Variants in GUCY2F observed in about 807,000 individuals in gnomAD.
GUCY2F encodes the protein retinal guanylyl cyclase 2.
GUCY2F carries 61 observed loss-of-function variants against 73.1 expected under a neutral mutation model. The ratio of observed to expected loss-of-function variants is 0.83; its 90% CI spans 0.68 to 1.03. The LOEUF is 1.03. Among genes scored for constraint, GUCY2F ranks in the 50% least tolerant of loss-of-function variants. The probability of loss-of-function intolerance (pLI) is 0.00; values close to 1 mark genes in which losing one functional copy is unlikely to be tolerated. For missense variants in GUCY2F, 912 were observed against 854.3 expected (o/e 1.07, Z -0.84); for synonymous variants, 331 against 307.8 (o/e 1.08, Z -0.79).
At chrX:109,459,384 G>A (rs1932319483) in intron 3 of GUCY2F, among the ~76,000 whole-genome samples, 1 of 111,217 alleles carries the variant, frequency 9.0e-6, no homozygotes, top group Non-Finnish European at 1.9e-5. Flanking sequence ...TAGAAGTGAA[G>A]GTGAGGCCAA....
Position 109,401,221 on chromosome X carries a change from A to G in GUCY2F, c.2126-2523T>C, listed in dbSNP as rs755309426. On this transcript the variant is annotated intron_variant, in intron 10 of 19. Coordinates refer to ENST00000218006, the MANE Select transcript of GUCY2F (RefSeq NM_001522.3). ...AGCCACTAACTACCATTAGAGTTGA[A>G]CTCTCGGGAAAACTAGAGAAATTAC... Among the ~76,000 whole-genome samples, 3 of 111,853 alleles carry G rather than the reference A, an allele frequency of 2.7e-5. No homozygotes were observed. The East Asian group carries it at 8.4e-4, about 31-fold the overall frequency.
At chrX:109,454,809 G>A (rs1007958029) in intron 3 of GUCY2F, among the ~76,000 whole-genome samples, 4 of 110,701 alleles carry the variant, frequency 3.6e-5, no homozygotes, top group Non-Finnish European at 5.7e-5. Context: ...ATGGCTTCAT[G>A]GTTTTCCATG....
At chrX:109,437,580 G>C (rs1344431416) in intron 7 of GUCY2F, among the ~76,000 whole-genome samples, 1 of 112,715 alleles carries the variant, frequency 8.9e-6, no homozygotes, top group Non-Finnish European at 1.9e-5. Context: ...TTAGAGATCT[G>C]TTAGACCAGC....
At chrX:109,416,795 G>C (rs1051800470) in intron 8 of GUCY2F, among the ~76,000 whole-genome samples, 1 of 110,092 alleles carries the variant, frequency 9.1e-6, no homozygotes, top group African/African-American at 3.3e-5. Context: ...TAAATACAAA[G>C]AAAGCAATAC....
intron 12 of GUCY2F, among the ~76,000 whole-genome samples, chrX:109,394,200 T>C (rs1460281632): frequency 8.9e-6 from 1 of 112,158 alleles, no homozygotes; most frequent in East Asian, 2.8e-4. Context: ...GCTATAGCAA[T>C]GTCTTGTTTG....
chrX:109,454,784 C>T lies in GUCY2F; in HGVS notation c.1033-925G>A, dbSNP rs1023387300. Among the ~76,000 whole-genome samples the T allele has an allele frequency of 5.4e-5, 6 of 110,853 alleles. No homozygotes were observed. In the Admixed American group the frequency reaches 5.8e-4, roughly 11 times the overall value. On this transcript the variant is annotated intron_variant, in intron 3 of 19. Transcript: ENST00000218006. ...CTCTGTACCTCCCCCGACATGGCCCCTCACACACGCGGCCATGGCTTCATG... is the reference window on the plus strand; with the variant it reads ...CTCTGTACCTCCCCCGACATGGCCCTTCACACACGCGGCCATGGCTTCATG...
At chrX:109,428,921 A>G (rs1931547401) in intron 8 of GUCY2F, among the ~76,000 whole-genome samples, 1 of 112,489 alleles carries the variant, frequency 8.9e-6, no homozygotes, top group Admixed American at 9.4e-5. Context: ...CCCAAAAAAG[A>G]TGTCATGGAC....
At chrX:109,383,311 G>A (rs1930363100) in intron 16 of GUCY2F, 1 of 336,586 alleles carries the variant, frequency 3.0e-6, no homozygotes, top group Non-Finnish European at 3.9e-6. Context: ...TTTCAGTAGA[G>A]TAATCTTGAT....
rs773581414 is a variant in GUCY2F, at chrX:109,392,968, A to G, written c.2512T>C (p.Leu838=). The G allele has an allele frequency of 1.7e-4, 196 of 1,159,062 alleles. No individual in the cohort carries two copies. The highest frequency in any genetic ancestry group is 2.2e-4 in the Non-Finnish European group (184 of 849,124). ...LEQYSSNLED[L]IRERTEELEI... is the part of the protein sequence containing the mutation. Reference sequence around the variant, plus strand: ...AGCTCTTCAGTCCGCTCCCGAATCAAATCTTCCAAGTTGCTAGAATATTGC... The same window carrying G: ...AGCTCTTCAGTCCGCTCCCGAATCAGATCTTCCAAGTTGCTAGAATATTGC... Residue 838 remains leucine (L), a synonymous_variant, in exon 13 of 20, where the codon TTG becomes CTG. Coordinates refer to ENST00000218006, the MANE Select transcript of GUCY2F (RefSeq NM_001522.3).
chrX:109,455,844 T>C (rs1024719398), intron 3 of GUCY2F, among the ~76,000 whole-genome samples: 3 of 111,950 alleles, frequency 2.7e-5, no homozygotes, highest in Admixed American at 9.5e-5. Context: ...CCTACTTTTA[T>C]ATCTCCACTT....
chrX:109,464,990 G>A (rs1156977782), intron 3 of GUCY2F, 152 bp downstream of exon 3: 1 of 453,483 alleles, frequency 2.2e-6, no homozygotes, highest in Non-Finnish European at 3.8e-6. Flanking sequence ...TTTCACAAAT[G>A]TTTTCAGCAA....
chrX:109,414,682 T>C (rs1411664222), intron 8 of GUCY2F, among the ~76,000 whole-genome samples: 1 of 112,197 alleles, frequency 8.9e-6, no homozygotes, highest in African/African-American at 3.2e-5. Context: ...TGAGTATGTA[T>C]AATTGGGGCT....
At chrX:109,446,469 T>C (rs1293762230) in intron 6 of GUCY2F, among the ~76,000 whole-genome samples, 1 of 110,353 alleles carries the variant, frequency 9.1e-6, no homozygotes, top group Non-Finnish European at 1.9e-5. Context: ...GAAATAATAC[T>C]ACACATCTAC....
intron 3 of GUCY2F, among the ~76,000 whole-genome samples, chrX:109,457,201 G>A (rs1477486712): frequency 8.9e-6 from 1 of 112,093 alleles, no homozygotes; most frequent in African/African-American, 3.2e-5. Flanking sequence ...GGCTTTTAAA[G>A]TTTTTATCCA....
chrX:109,442,880 G>A (rs748125747), intron 6 of GUCY2F, among the ~76,000 whole-genome samples: 77 of 111,586 alleles, frequency 6.9e-4, no homozygotes, highest in Non-Finnish European at 1.3e-3. Flanking sequence ...TCTGTATATT[G>A]AGATATAGAC....
intron 3 of GUCY2F, 31 bp from the exon 4 acceptor site, chrX:109,453,890 C>A (rs1187444562): frequency 2.3e-6 from 2 of 872,751 alleles, no homozygotes; most frequent in African/African-American, 4.1e-5. Flanking sequence ...TATCTTGAGC[C>A]CTGGTCGCCC....
Position 109,475,270 on chromosome X carries a change from C to T in GUCY2F, c.667G>A (p.Gly223Arg). 8.3e-7 allele frequency: 1 copy of T among 1,210,823 alleles called. No homozygotes were observed. Among genetic ancestry groups the T allele is most frequent in the Non-Finnish European group, 1.1e-6 (1 of 894,646 alleles). Residue 223 changes from glycine to arginine, a missense_variant, in exon 2 of 20, where the codon GGA becomes AGA. Transcript: ENST00000218006. ...GLPVGVVLTT[G>R]QDSQSMRKAL... ...TTCCGCATGCTTTGGCTGTCTTGTC[C>T]TGTGGTCAGGACGACCCCTACAGGT...
Position 109,376,198 on chromosome X carries a change from C to A in GUCY2F, c.3151-31G>T, listed in dbSNP as rs765642121. ...TATAGAAAACATAAAAAATCTTAAG[C>A]CTGCTATAATCAATTTTCCAAAAGA... On this transcript the variant is annotated intron_variant, in intron 17 of 19. Coordinates refer to ENST00000218006, the MANE Select transcript of GUCY2F (RefSeq NM_001522.3). 1.6e-5 allele frequency: 16 copies of A among 1,016,445 alleles called. No homozygotes were observed. In the South Asian group the frequency reaches 2.9e-4, roughly 19 times the overall value. 83.8% of individuals were successfully genotyped at this position (1,016,445 alleles called of 1,213,427 possible). A position where few individuals can be genotyped will look rare whatever the true frequency, so the allele number is the denominator to read the frequency against.
At chrX:109,388,685 AT>A in intron 14 of GUCY2F, 22 bp from the exon 15 acceptor site, 1 of 1,084,136 alleles carries the variant, frequency 9.2e-7, no homozygotes, top group Non-Finnish European at 1.3e-6. Flanking sequence ...GAAAAATAGA[AT>A]TAGCAAACAA....
Sources: allele counts gnomAD v4.1 joint callset (sites outside exome capture counted in the v4.1 genomes callset), GRCh38; gene constraint gnomAD v4.1.1; transcripts MANE v1.5; gene names NCBI Gene and HGNC (gene_info 2026-07-23, HGNC 2026-07-21).